SUMF1: variants seen among roughly 807,000 people sequenced by gnomAD.
SUMF1 encodes the protein sulfatase modifying factor 1, also known as formylglycine-generating enzyme.
SUMF1 carries 48 observed loss-of-function variants against 47.6 expected under a neutral mutation model. That is an observed-to-expected ratio of 1.01 (90% CI 0.80 to 1.28). The LOEUF is 1.28. SUMF1 is among the 50% of genes most tolerant of loss of function. SUMF1 has a pLI of 0.00. For synonymous variants in SUMF1, 230 were observed against 192.1 expected (o/e 1.20, Z -1.63); for missense variants, 571 against 485.4 (o/e 1.18, Z -1.66).
At chr3:4,236,767 G>C (rs1309492685) in intron 8 of SUMF1, among the ~76,000 whole-genome samples, 1 of 151,978 alleles carries the variant, frequency 6.6e-6, no homozygotes, top group African/African-American at 2.4e-5. Context: ...ATCACCTAAA[G>C]TCCATCATTT....
chr3:4,148,565 G>A (rs1352922109), intron 8 of SUMF1, among the ~76,000 whole-genome samples: 1 of 152,154 alleles, frequency 6.6e-6, no homozygotes, highest in African/African-American at 2.4e-5. Flanking sequence ...AAAGTTTCCT[G>A]TGATGGACAG....
At position 4,467,069 on chromosome 3, in the gene SUMF1, G is replaced by A. The variant is rs774739457; in HGVS notation, c.177C>T (p.Gly59=). 3 of 1,565,300 alleles carry A rather than the reference G, an allele frequency of 1.9e-6. No individual in the cohort carries two copies. Among genetic ancestry groups the A allele is most frequent in the Non-Finnish European group, 1.7e-6 (2 of 1,156,324 alleles). ...GAGCGGCTGCCGAACTGCCATGGGC[G>A]CCAGGCCGCTGGGGCGTGCCGCAGC... ...SCGCGTPQRP[G]AHGSSAAAHR... Residue 59 remains glycine (G), a synonymous_variant, in exon 1 of 9, where the codon GGC becomes GGT. Transcript: ENST00000272902.
chr3:4,174,398 A>C (rs1694910326), intron 8 of SUMF1, among the ~76,000 whole-genome samples: 1 of 151,222 alleles, frequency 6.6e-6, no homozygotes, highest in Admixed American at 6.6e-5. Flanking sequence ...CCAGTTTGGA[A>C]ATTAAACCTG....
intron 8 of SUMF1, chr3:4,313,836 C>G (rs745753193): frequency 4.4e-6 from 7 of 1,591,442 alleles, no homozygotes; most frequent in Non-Finnish European, 6.0e-6. Flanking sequence ...TTACCTCTGC[C>G]TAGTTACATA....
At chr3:4,355,377 C>T (rs574418033) in intron 8 of SUMF1, among the ~76,000 whole-genome samples, 1 of 152,114 alleles carries the variant, frequency 6.6e-6, no homozygotes, top group East Asian at 1.9e-4. Context: ...AAATAAAAGA[C>T]AGTGATTGAA....
chr3:4,410,114 T>TC (rs781144427), intron 7 of SUMF1, among the ~76,000 whole-genome samples: 1 of 152,064 alleles, frequency 6.6e-6, no homozygotes, highest in Non-Finnish European at 1.5e-5. Flanking sequence ...CATGATATTC[T>TC]CCCCCCCAAT....
At chr3:4,424,935 G>C (rs940539412) in intron 3 of SUMF1, among the ~76,000 whole-genome samples, 2 of 152,114 alleles carry the variant, frequency 1.3e-5, no homozygotes, top group African/African-American at 4.8e-5. Flanking sequence ...CCTTGTTATG[G>C]GAGACTGTCT....
In SUMF1 at chr3:4,420,127, C is replaced by T. The variant is rs1419925001; in HGVS notation, c.539G>A (p.Trp180Ter). The T allele has an allele frequency of 6.2e-7, 1 of 1,614,010 alleles. No individual in the cohort carries two copies. The highest frequency in any genetic ancestry group is 8.5e-7 in the Non-Finnish European group (1 of 1,179,992). ...IQQAVAAAPW[W>*]LPVKGANWRH... Reference sequence around the variant, plus strand: ...CCAGTTAGCGCCTTTCACAGGTAACCACCAGGGAGCAGCTGCAACCTCAAA... The same window carrying T: ...CCAGTTAGCGCCTTTCACAGGTAACTACCAGGGAGCAGCTGCAACCTCAAA... Residue 180 changes from tryptophan to a stop codon, truncating the protein, a stop_gained, in exon 4 of 9, where the codon TGG (tryptophan) becomes TAG (stop). Transcript: ENST00000272902. LOFTEE classifies it high-confidence loss of function.
At chr3:4,387,551 A>G (rs78736540) in intron 7 of SUMF1, among the ~76,000 whole-genome samples, 12,450 of 151,910 alleles carry the variant, frequency 0.082, 805 homozygotes, top group African/African-American at 0.18. Flanking sequence ...TTCTTCATTT[A>G]ACTGATTTTT....
intron 8 of SUMF1, among the ~76,000 whole-genome samples, chr3:4,212,277 C>T (rs1695816160): frequency 6.6e-6 from 1 of 152,136 alleles, no homozygotes; most frequent in South Asian, 2.1e-4. Context: ...ACTGGTGATA[C>T]CCAGGCAAAC....
chr3:4,323,167 G>A (rs1698873051), intron 8 of SUMF1, among the ~76,000 whole-genome samples: 1 of 152,150 alleles, frequency 6.6e-6, no homozygotes, highest in Admixed American at 6.6e-5. Flanking sequence ...CCATGCAATG[G>A]AATATTGTTT....
At chr3:4,141,434 A>T (rs1453294473) in intron 8 of SUMF1, among the ~76,000 whole-genome samples, 1 of 152,122 alleles carries the variant, frequency 6.6e-6, no homozygotes, top group Middle Eastern at 3.2e-3. Flanking sequence ...GGATAACTTG[A>T]CCAGCAGCAA....
intron 7 of SUMF1, among the ~76,000 whole-genome samples, chr3:4,387,887 A>ATT (rs1173264215): frequency 6.6e-6 from 1 of 151,914 alleles, no homozygotes; most frequent in African/African-American, 2.4e-5. Flanking sequence ...TTCCTATTAT[A>ATT]TTTCTGTTAC....
chr3:4,456,087 T>C (rs1703151579), intron 1 of SUMF1, among the ~76,000 whole-genome samples: 1 of 152,130 alleles, frequency 6.6e-6, no homozygotes, highest in Non-Finnish European at 1.5e-5. Context: ...ACTACAAATG[T>C]GATATACCAT....
intron 8 of SUMF1, among the ~76,000 whole-genome samples, chr3:4,231,711 A>C (rs13080990): frequency 0.36 from 54,946 of 151,948 alleles, 10,829 homozygotes; most frequent in Non-Finnish European, 0.45. Context: ...TCATGTTGGA[A>C]AAATCACTGC....
chr3:4,346,092 C>T (rs970981664), intron 8 of SUMF1, among the ~76,000 whole-genome samples: 1 of 152,158 alleles, frequency 6.6e-6, no homozygotes, highest in African/African-American at 2.4e-5. Flanking sequence ...GACTTCAACA[C>T]TCCACTATCA....
intron 8 of SUMF1, among the ~76,000 whole-genome samples, chr3:4,120,437 A>T (rs1233971549): frequency 6.6e-6 from 1 of 152,176 alleles, no homozygotes; most frequent in Non-Finnish European, 1.5e-5. Flanking sequence ...TATTTCAAAG[A>T]AGTAATCTTG....
chr3:4,428,040 G>A lies in SUMF1; in HGVS notation c.520-7894C>T, dbSNP rs546284700. Reference sequence around the variant, plus strand: ...TTCATCAAATAAGTAACTGTAAATTGGTATAACCTATCTTGAAAGCAATGT... The same window carrying A: ...TTCATCAAATAAGTAACTGTAAATTAGTATAACCTATCTTGAAAGCAATGT... On this transcript the variant is annotated intron_variant, in intron 3 of 8. Coordinates refer to ENST00000272902, the MANE Select transcript of SUMF1 (RefSeq NM_182760.4). 3.4e-4 allele frequency among the ~76,000 whole-genome samples: 52 copies of A among 152,032 alleles called. No individual in the cohort carries two copies. The South Asian group carries it at 0.01, about 31-fold the overall frequency.
At chr3:4,401,729 T>C (rs990367763) in intron 7 of SUMF1, among the ~76,000 whole-genome samples, 1 of 152,200 alleles carries the variant, frequency 6.6e-6, no homozygotes, top group East Asian at 1.9e-4. Flanking sequence ...GAAAGAACTT[T>C]ACTGAGAATG....
Sources: gnomAD v4.1 joint callset for allele counts (sites outside exome capture counted in the v4.1 genomes callset) on GRCh38, gnomAD v4.1.1 for gene constraint, MANE v1.5 for transcripts, NCBI Gene and HGNC (gene_info 2026-07-23, HGNC 2026-07-21) for gene names.